Variants in VSNL1 observed in about 807,000 individuals in gnomAD.
VSNL1 encodes the protein visinin like 1, also known as visinin-like protein 1.
VSNL1 carries 6 observed loss-of-function variants against 20.4 expected under a neutral mutation model. The ratio of observed to expected loss-of-function variants is 0.29; its 90% CI spans 0.16 to 0.58. The LOEUF (loss-of-function observed/expected upper bound fraction) is 0.58. Among genes scored for constraint, VSNL1 ranks in the 20% least tolerant of loss-of-function variants. The pLI is 0.90. For missense variants in VSNL1, 100 were observed against 234.5 expected (o/e 0.43, Z 3.75); for synonymous variants, 93 against 86.4 (o/e 1.08, Z -0.42).
chr2:17,592,292 T>A, intron 2 of VSNL1, 56 bp downstream of exon 2: 1 of 1,559,478 alleles, frequency 6.4e-7, no homozygotes, highest in Non-Finnish European at 8.8e-7. Context: ...ATGGCCTTCA[T>A]GAAATTGTAC....
intron 1 of VSNL1, among the ~76,000 whole-genome samples, chr2:17,565,522 T>C (rs1461419390): frequency 2.0e-5 from 3 of 152,206 alleles, no homozygotes; most frequent in African/African-American, 7.2e-5. Flanking sequence ...TCATACTTAA[T>C]GTATCATTCA....
At chr2:17,608,060 A>C (rs1490312980) in intron 2 of VSNL1, among the ~76,000 whole-genome samples, 1 of 152,370 alleles carries the variant, frequency 6.6e-6, no homozygotes, top group South Asian at 2.1e-4. Context: ...AGGAAATGAA[A>C]AGATAAACTG....
chr2:17,564,944 T>A (rs938462207), intron 1 of VSNL1, among the ~76,000 whole-genome samples: 3 of 152,156 alleles, frequency 2.0e-5, no homozygotes, highest in Admixed American at 2.0e-4. Context: ...GTCATGAAAA[T>A]GAAATCACTT....
intron 1 of VSNL1, among the ~76,000 whole-genome samples, chr2:17,573,134 A>G (rs1558286153): frequency 6.6e-6 from 1 of 152,232 alleles, no homozygotes; most frequent in Non-Finnish European, 1.5e-5. Context: ...TCATTTGGCC[A>G]TTCGACAAGT....
intron 2 of VSNL1, among the ~76,000 whole-genome samples, chr2:17,641,208 T>A (rs1038331076): frequency 6.6e-6 from 1 of 152,178 alleles, no homozygotes; most frequent in African/African-American, 2.4e-5. Context: ...GGTAGGGAGA[T>A]CAAATAAGTT....
chr2:17,583,813 T>C (rs1664405334), intron 1 of VSNL1, among the ~76,000 whole-genome samples: 1 of 152,184 alleles, frequency 6.6e-6, no homozygotes, highest in Admixed American at 6.5e-5. Flanking sequence ...TTTGTGTACG[T>C]CTGTTTACAT....
At chr2:17,596,002 C>T (rs1356756386) in intron 2 of VSNL1, among the ~76,000 whole-genome samples, 3 of 152,140 alleles carry the variant, frequency 2.0e-5, no homozygotes, top group African/African-American at 4.8e-5. Context: ...TTGATGGGCA[C>T]TACTTGGGTT....
intron 1 of VSNL1, among the ~76,000 whole-genome samples, chr2:17,549,353 C>T (rs570954219): frequency 6.6e-6 from 1 of 152,242 alleles, no homozygotes; most frequent in South Asian, 2.1e-4. Context: ...CAAGGTAGGG[C>T]TGAGGTAGAG....
intron 1 of VSNL1, among the ~76,000 whole-genome samples, chr2:17,547,274 T>TATATATGTA (rs1231803415): frequency 6.6e-6 from 1 of 152,030 alleles, no homozygotes; most frequent in Non-Finnish European, 1.5e-5. Flanking sequence ...AATAGAAGAT[T>TATATATGTA]ATATATGTAA....
chr2:17,620,887 G>A (rs923135606), intron 2 of VSNL1, among the ~76,000 whole-genome samples: 1 of 152,150 alleles, frequency 6.6e-6, no homozygotes, highest in African/African-American at 2.4e-5. Context: ...TCACTGGGGA[G>A]GGCTAATTTG....
intron 1 of VSNL1, among the ~76,000 whole-genome samples, chr2:17,579,023 C>A (rs1025855533): frequency 9.8e-5 from 15 of 152,362 alleles, no homozygotes; most frequent in African/African-American, 3.6e-4. Context: ...TCCTCATCAA[C>A]AAGTGTGTTT....
chr2:17,542,995 C>G (rs947429446), intron 1 of VSNL1, among the ~76,000 whole-genome samples: 29 of 152,320 alleles, frequency 1.9e-4, no homozygotes, highest in Admixed American at 8.5e-4. Flanking sequence ...GTTTCCTTCT[C>G]TCTTTCATTT....
intron 3 of VSNL1, among the ~76,000 whole-genome samples, chr2:17,650,996 A>G (rs1459140935): frequency 6.6e-6 from 1 of 152,200 alleles, no homozygotes; most frequent in Non-Finnish European, 1.5e-5. Context: ...AATTCTGAAC[A>G]TGTGGCTTGA....
chr2:17,568,431 C>G (rs1182989733), intron 1 of VSNL1, among the ~76,000 whole-genome samples: 1 of 152,122 alleles, frequency 6.6e-6, no homozygotes, highest in Non-Finnish European at 1.5e-5. Context: ...CTATGCCAGA[C>G]AAGTATATAC....
At chr2:17,636,799 A>T (rs1043673761) in intron 2 of VSNL1, among the ~76,000 whole-genome samples, 1 of 151,958 alleles carries the variant, frequency 6.6e-6, no homozygotes, top group Non-Finnish European at 1.5e-5. Context: ...GTGGCTCATG[A>T]TATCTTTTTA....
chr2:17,616,892 T>C lies in VSNL1; in HGVS notation c.162+24656T>C, dbSNP rs146144524. On this transcript the variant is annotated intron_variant, in intron 2 of 3. Transcript: ENST00000295156. ...GGTGAGCTGGTCATCCATTCTCCCT[T>C]TACTCATTTCAGAATGGACACTATT... Among the ~76,000 whole-genome samples, 1,117 of 152,262 alleles carry C rather than the reference T, an allele frequency of 7.3e-3. 40 individuals carry two copies. The highest frequency in any genetic ancestry group is 0.054 in the Admixed American group (824 of 15,294).
chr2:17,601,541 C>T (rs780890173), intron 2 of VSNL1, among the ~76,000 whole-genome samples: 1 of 151,812 alleles, frequency 6.6e-6, no homozygotes, highest in Non-Finnish European at 1.5e-5. Context: ...GAGGCTGAGG[C>T]AGAAGAATTG....
At chr2:17,575,003 A>AT (rs1242392253) in intron 1 of VSNL1, among the ~76,000 whole-genome samples, 1 of 151,012 alleles carries the variant, frequency 6.6e-6, no homozygotes, top group African/African-American at 2.4e-5. Context: ...TTTTCTATGT[A>AT]TTTTTTGTAG....
intron 2 of VSNL1, among the ~76,000 whole-genome samples, chr2:17,640,545 T>C (rs1387868806): frequency 1.3e-5 from 2 of 152,206 alleles, no homozygotes; most frequent in Non-Finnish European, 2.9e-5. Flanking sequence ...GTTAAAGATA[T>C]TGCAGTAACG....
Sources: gnomAD v4.1 joint callset for allele counts (sites outside exome capture counted in the v4.1 genomes callset) on GRCh38, gnomAD v4.1.1 for gene constraint, MANE v1.5 for transcripts, NCBI Gene and HGNC (gene_info 2026-07-23, HGNC 2026-07-21) for gene names.